Variants in NBPF3 observed in about 807,000 individuals in gnomAD.
The protein encoded by NBPF3 is NBPF family member NBPF3.
NBPF3 carries 57 observed loss-of-function variants against 78.1 expected under a neutral mutation model. The ratio of observed to expected loss-of-function variants is 0.73; its 90% CI spans 0.59 to 0.91. The LOEUF is 0.91. Ranked by LOEUF, NBPF3 falls within the 40% of genes least tolerant of loss-of-function variation. The pLI is 0.00. For synonymous variants in NBPF3, 182 were observed against 271.7 expected (o/e 0.67, Z 3.25); for missense variants, 510 against 715.3 (o/e 0.71, Z 3.27).
intron 2 of NBPF3, among the ~76,000 whole-genome samples, chr1:21,447,358 A>G (rs1024887227): frequency 2.6e-5 from 4 of 152,220 alleles, no homozygotes; most frequent in African/African-American, 9.6e-5. Context: ...AATCCCCAAT[A>G]CAGCGTCATG....
chr1:21,467,927 A>C (rs1457015206), intron 2 of NBPF3, among the ~76,000 whole-genome samples: 1 of 152,236 alleles, frequency 6.6e-6, no homozygotes, highest in Non-Finnish European at 1.5e-5. Flanking sequence ...AGTGAGAAAA[A>C]AGAAATCAAC....
intron 2 of NBPF3, 53 bp from the exon 3 acceptor site, chr1:21,468,635 A>G (rs1200366131): frequency 2.9e-5 from 47 of 1,611,720 alleles, no homozygotes; most frequent in Non-Finnish European, 2.5e-5. Context: ...GATTAAACCT[A>G]TTTGATTTCA....
In NBPF3 at chr1:21,478,177, C is replaced by G; in HGVS notation, c.1026C>G (p.Pro342=). 6.2e-7 allele frequency: 1 copy of G among 1,614,116 alleles called. No individual in the cohort carries two copies. The highest frequency in any genetic ancestry group is 1.1e-5 in the South Asian group (1 of 91,074). ...AGGAGTCTGAAGAGGAGGAAGCCCC[C>G]CAGGAGTCCTGGGATGAAGGTGATT... ...NLQESEEEEA[P]QESWDEGDWT... The change falls in exon 9 of 15, where the codon CCC becomes CCG. Residue 342 remains proline (P), a synonymous_variant. Coordinates refer to ENST00000318249, the MANE Select transcript of NBPF3 (RefSeq NM_032264.6).
At chr1:21,459,219 A>C (rs1419441708) in intron 2 of NBPF3, among the ~76,000 whole-genome samples, 1 of 152,230 alleles carries the variant, frequency 6.6e-6, no homozygotes, top group Non-Finnish European at 1.5e-5. Flanking sequence ...GCTAATTTCA[A>C]AATATATTTG....
At chr1:21,475,681 C>A (rs193252538) in intron 8 of NBPF3, among the ~76,000 whole-genome samples, 6 of 152,214 alleles carry the variant, frequency 3.9e-5, no homozygotes, top group Middle Eastern at 3.4e-3. Flanking sequence ...CTGAGGAGTG[C>A]TTTACCTCCA....
rs1642727177 is a variant in NBPF3, at chr1:21,473,558, T to C, written c.913T>C (p.Trp305Arg). The change falls in exon 7 of 15, where the codon TGG becomes CGG. Residue 305 changes from tryptophan (W) to arginine (R), a missense_variant. By Grantham distance (101) the Trp-to-Arg change is moderately radical. Transcript: ENST00000318249. ...TLIDSSSHDE[W>R]LDAVCIIPEN... Reference sequence around the variant, plus strand: ...CATTGACTCATCCTCTCATGATGAATGGTTGGATGCTGTATGCATTATCCC... The same window carrying C: ...CATTGACTCATCCTCTCATGATGAACGGTTGGATGCTGTATGCATTATCCC... 4.3e-6 allele frequency: 7 copies of C among 1,614,222 alleles called. No individual in the cohort carries two copies. The highest frequency in any genetic ancestry group is 5.9e-6 in the Non-Finnish European group (7 of 1,180,012).
At chr1:21,475,842 T>C (rs1362854085) in intron 8 of NBPF3, among the ~76,000 whole-genome samples, 5 of 152,178 alleles carry the variant, frequency 3.3e-5, no homozygotes, top group Non-Finnish European at 7.3e-5. Flanking sequence ...ACCTTCTGTC[T>C]CATTGATCTG....
chr1:21,438,689 A>G (rs1218553061), upstream of NBPF3, among the ~76,000 whole-genome samples: 1 of 151,894 alleles, frequency 6.6e-6, no homozygotes, highest in Non-Finnish European at 1.5e-5. Flanking sequence ...CGTTCCTGTT[A>G]TTTTCAGCAT....
chr1:21,470,775 T>C (rs1642544391), intron 4 of NBPF3, 41 bp downstream of exon 4: 2 of 1,377,238 alleles, frequency 1.5e-6, no homozygotes, highest in Admixed American at 1.7e-5. Flanking sequence ...GGCAGGTGTG[T>C]AAATATCTGA....
intron 2 of NBPF3, among the ~76,000 whole-genome samples, chr1:21,455,254 G>A (rs1376607697): frequency 6.6e-6 from 1 of 152,192 alleles, no homozygotes; most frequent in Non-Finnish European, 1.5e-5. Flanking sequence ...TTGGGATCTC[G>A]ATTACATCTG....
At chr1:21,457,360 A>ATATGTATGTATATATG (rs1641672665) in intron 2 of NBPF3, among the ~76,000 whole-genome samples, 2 of 97,572 alleles carry the variant, frequency 2.0e-5, no homozygotes, top group Admixed American at 9.1e-5. Flanking sequence ...ATATATATAT[A>ATATGTATGTATATATG]TATGTATGTA....
At chr1:21,463,467 A>G (rs1642066590) in intron 2 of NBPF3, among the ~76,000 whole-genome samples, 1 of 152,216 alleles carries the variant, frequency 6.6e-6, no homozygotes, top group African/African-American at 2.4e-5. Context: ...GGCATAAATA[A>G]ACAATGTCCA....
chr1:21,441,865 T>A (rs1273625717), intron 1 of NBPF3, among the ~76,000 whole-genome samples: 1 of 152,182 alleles, frequency 6.6e-6, no homozygotes, highest in East Asian at 1.9e-4. Flanking sequence ...GTTGAACATT[T>A]TCCCAAAGTG....
chr1:21,467,877 A>C (rs1464908998), intron 2 of NBPF3, among the ~76,000 whole-genome samples: 1 of 152,248 alleles, frequency 6.6e-6, no homozygotes, highest in Non-Finnish European at 1.5e-5. Context: ...AGGGATGTCA[A>C]ACTGGTCTAG....
chr1:21,441,030 A>C (rs983676857), intron 1 of NBPF3: 3 of 152,070 alleles, frequency 2.0e-5, no homozygotes, highest in African/African-American at 7.3e-5. Context: ...GCGTCCTTTC[A>C]CCGAAGAGTT....
chr1:21,475,158 G>C (rs1642826136), intron 8 of NBPF3, among the ~76,000 whole-genome samples: 1 of 152,194 alleles, frequency 6.6e-6, no homozygotes, highest in Admixed American at 6.5e-5. Flanking sequence ...GCAATCAGAT[G>C]AGCCAGGTGA....
intron 13 of NBPF3, among the ~76,000 whole-genome samples, 166 bp downstream of exon 13, chr1:21,481,935 A>T (rs1159660180): frequency 4.8e-5 from 7 of 146,536 alleles, no homozygotes; most frequent in Admixed American, 1.4e-4. Flanking sequence ...TGGAAGCCCA[A>T]ACATGGGATG....
intron 14 of NBPF3, 149 bp from the exon 15 acceptor site, chr1:21,482,994 A>G (rs1467934453): frequency 5.5e-5 from 40 of 724,146 alleles, no homozygotes; most frequent in Non-Finnish European, 3.2e-5. Flanking sequence ...GTTCTATCCC[A>G]ACATAAAGGC....
intron 8 of NBPF3, among the ~76,000 whole-genome samples, chr1:21,477,119 A>T (rs901093970): frequency 6.6e-6 from 1 of 152,184 alleles, no homozygotes; most frequent in Non-Finnish European, 1.5e-5. Context: ...CATGGTTTTC[A>T]GCTCCATCAG....
Sources: gnomAD v4.1 joint callset for allele counts (sites outside exome capture counted in the v4.1 genomes callset) on GRCh38, gnomAD v4.1.1 for gene constraint, MANE v1.5 for transcripts, NCBI Gene and HGNC (gene_info 2026-07-23, HGNC 2026-07-21) for gene names.